CORIN: variants seen among roughly 807,000 people sequenced by gnomAD.
The protein encoded by CORIN is corin, serine peptidase, also known as atrial natriuretic peptide-converting enzyme.
CORIN carries 117 observed loss-of-function variants against 125.3 expected under a neutral mutation model. That is an observed-to-expected ratio of 0.93 (90% confidence interval 0.80 to 1.09). The LOEUF (loss-of-function observed/expected upper bound fraction) is 1.09, where lower values mean the gene tolerates loss of function less well. CORIN is among the 50% of genes least tolerant of loss of function. CORIN has a pLI of 0.00. For missense variants in CORIN, 1,253 were observed against 1,306.7 expected, an observed-to-expected ratio of 0.96 and a Z score of 0.63; for synonymous variants, 450 against 466.4, an observed-to-expected ratio of 0.96 and a Z score of 0.45.
Position 47,595,208 on chromosome 4 carries a change from T to C in CORIN, c.*513A>G, listed in dbSNP as rs1490821274. 1 of 152,306 alleles carries C rather than the reference T, an allele frequency of 6.6e-6. No homozygotes were observed. The highest frequency in any genetic ancestry group is 1.5e-5 in the Non-Finnish European group (1 of 68,152). The allele number at this position is 152,306 out of a possible 1,614,324, so 9.4% of individuals were successfully genotyped here. On this transcript the variant is annotated 3_prime_UTR_variant, in exon 22 of 22. Coordinates refer to ENST00000273857, the MANE Select transcript of CORIN (RefSeq NM_006587.4). ...ACCTGCACGTTGTGCTCGTGTACCC[T>C]AAAATTCGAAGTGTAATAAAAAAGA... is the stretch of plus-strand genomic sequence containing the variant.
intron 1 of CORIN, among the ~76,000 whole-genome samples, chr4:47,821,899 A>G (rs551994961): frequency 5.1e-4 from 78 of 152,330 alleles, no homozygotes; most frequent in African/African-American, 1.7e-3. Context: ...CCTAGCTTTC[A>G]TGTATCAACT....
chr4:47,657,603 T>C (rs1724052959), intron 12 of CORIN, among the ~76,000 whole-genome samples: 1 of 151,294 alleles, frequency 6.6e-6, no homozygotes, highest in South Asian at 2.1e-4. Flanking sequence ...TTTATTTGGC[T>C]CATGGTTCTG....
intron 19 of CORIN, among the ~76,000 whole-genome samples, chr4:47,616,763 A>G (rs555630045): frequency 6.6e-6 from 1 of 152,214 alleles, no homozygotes; most frequent in African/African-American, 2.4e-5. Context: ...TTCTGTGAAC[A>G]GTGGCTGGAA....
chr4:47,837,101 G>C (rs1733472930), intron 1 of CORIN, among the ~76,000 whole-genome samples: 1 of 152,228 alleles, frequency 6.6e-6, no homozygotes, highest in South Asian at 2.1e-4. Context: ...CCCCTTCCCA[G>C]GACTGGATCT....
intron 1 of CORIN, among the ~76,000 whole-genome samples, chr4:47,807,330 A>G (rs1319901409): frequency 2.0e-5 from 3 of 152,168 alleles, no homozygotes; most frequent in African/African-American, 7.2e-5. Context: ...ATATTTGTCA[A>G]TTTGGTATGA....
intron 1 of CORIN, among the ~76,000 whole-genome samples, chr4:47,834,505 A>G (rs1048186132): frequency 3.3e-5 from 5 of 152,234 alleles, no homozygotes; most frequent in African/African-American, 1.2e-4. Flanking sequence ...TGCAAGATAA[A>G]TAAGTCCTAG....
chr4:47,795,567 A>T (rs1419471555), intron 2 of CORIN, among the ~76,000 whole-genome samples: 1 of 151,934 alleles, frequency 6.6e-6, no homozygotes, highest in Admixed American at 6.6e-5. Flanking sequence ...CTTAGACATG[A>T]CATAAAAAGC....
At chr4:47,626,615 A>T in intron 16 of CORIN, 94 bp from the exon 17 acceptor site, 1 of 827,264 alleles carries the variant, frequency 1.2e-6, no homozygotes, top group Non-Finnish European at 2.1e-6. Flanking sequence ...TTCAAAAAGA[A>T]GCACTAAATC....
chr4:47,772,181 A>C (rs1332095931), intron 3 of CORIN, among the ~76,000 whole-genome samples: 3 of 152,196 alleles, frequency 2.0e-5, no homozygotes, highest in African/African-American at 7.2e-5. Context: ...TAAGATGTTT[A>C]AATCATAAGT....
At chr4:47,695,532 G>T (rs1725953563) in intron 5 of CORIN, among the ~76,000 whole-genome samples, 1 of 152,190 alleles carries the variant, frequency 6.6e-6, no homozygotes, top group Admixed American at 6.5e-5. Flanking sequence ...AGCACAGCTT[G>T]CATTGTTTTG....
At chr4:47,804,795 A>G (rs1731699954) in intron 2 of CORIN, among the ~76,000 whole-genome samples, 1 of 151,898 alleles carries the variant, frequency 6.6e-6, no homozygotes. Flanking sequence ...TGAATAAGAT[A>G]TTATTTGATT....
intron 6 of CORIN, 40 bp from the exon 7 acceptor site, chr4:47,683,878 T>C (rs370144459): frequency 9.1e-6 from 13 of 1,424,442 alleles, no homozygotes; most frequent in African/African-American, 2.8e-5. Flanking sequence ...ATCAGAGCCA[T>C]ACAGAATGCT....
chr4:47,632,690 A>G (rs768614056), intron 16 of CORIN, among the ~76,000 whole-genome samples: 2 of 149,480 alleles, frequency 1.3e-5, no homozygotes, highest in Admixed American at 6.8e-5. Context: ...AGTATTTTAA[A>G]AACACTTTTT....
chr4:47,703,872 A>C (rs550710386), intron 5 of CORIN, among the ~76,000 whole-genome samples: 1 of 152,346 alleles, frequency 6.6e-6, no homozygotes, highest in Admixed American at 6.5e-5. Context: ...GGTTCTTTGA[A>C]ACAACCCAGA....
chr4:47,788,257 T>C (rs1010081873), intron 2 of CORIN, among the ~76,000 whole-genome samples: 3 of 152,084 alleles, frequency 2.0e-5, no homozygotes, highest in Non-Finnish European at 4.4e-5. Flanking sequence ...AAAAGAAACA[T>C]AAATAAAATG....
At chr4:47,707,405 G>A (rs1726623454) in intron 5 of CORIN, among the ~76,000 whole-genome samples, 1 of 152,164 alleles carries the variant, frequency 6.6e-6, no homozygotes, top group Non-Finnish European at 1.5e-5. Flanking sequence ...TAATTCGAAG[G>A]AATCCTGGGA....
chr4:47,760,384 G>C (rs1220986130), intron 4 of CORIN, among the ~76,000 whole-genome samples: 2 of 152,114 alleles, frequency 1.3e-5, no homozygotes, highest in South Asian at 2.1e-4. Context: ...TTTATTGACT[G>C]TCTTTTCTCC....
At position 47,777,605 on chromosome 4, in the gene CORIN, T is replaced by A. The variant is rs529432231; in HGVS notation, c.409+9120A>T. Among the ~76,000 whole-genome samples the A allele has an allele frequency of 5.3e-4, 81 of 152,298 alleles. 1 individual carries two copies. The highest frequency in any genetic ancestry group is 1.2e-3 in the East Asian group (6 of 5,178). On this transcript the variant is annotated intron_variant, in intron 3 of 21. Coordinates refer to ENST00000273857, the MANE Select transcript of CORIN (RefSeq NM_006587.4). ...AAGATCGCGCCATTGCACTCCAGCCTGGGTGACAGAGCAAGACTCCGTCTC... is the reference window on the plus strand; with the variant it reads ...AAGATCGCGCCATTGCACTCCAGCCAGGGTGACAGAGCAAGACTCCGTCTC...
chr4:47,766,286 G>T (rs929531749), intron 3 of CORIN, among the ~76,000 whole-genome samples: 1 of 152,174 alleles, frequency 6.6e-6, no homozygotes, highest in Admixed American at 6.5e-5. Flanking sequence ...GACAGGAATT[G>T]GATCCCGTGG....
Sources: gnomAD v4.1 joint callset for allele counts (sites outside exome capture counted in the v4.1 genomes callset) on GRCh38, gnomAD v4.1.1 for gene constraint, MANE v1.5 for transcripts, NCBI Gene and HGNC (gene_info 2026-07-23, HGNC 2026-07-21) for gene names.